FLRT3: variants seen among roughly 807,000 people sequenced by gnomAD.
The protein encoded by FLRT3 is leucine-rich repeat transmembrane protein FLRT3.
FLRT3 carries 17 observed loss-of-function variants against 42.6 expected under a neutral mutation model. The ratio of observed to expected loss-of-function variants is 0.40; its 90% CI spans 0.27 to 0.60. The LOEUF is 0.60. FLRT3 is among the 20% of genes least tolerant of loss of function. FLRT3 has a pLI of 0.44. For missense variants in FLRT3, 635 were observed against 789.2 expected, an observed-to-expected ratio of 0.80 and a Z score of 2.34; for synonymous variants, 279 against 286.4, an observed-to-expected ratio of 0.97 and a Z score of 0.26.
At position 14,327,264 on chromosome 20, in the gene FLRT3, G is replaced by A. The variant is rs2082751701; in HGVS notation, c.243C>T (p.Asn81=). 1 of 1,613,764 alleles carries A rather than the reference G, an allele frequency of 6.2e-7. No homozygotes were observed. Among genetic ancestry groups the A allele is most frequent in the South Asian group, 1.1e-5 (1 of 91,088 alleles). Residue 81 remains asparagine, a synonymous_variant, in exon 3 of 3, where the codon AAC becomes AAT. Coordinates refer to ENST00000341420, the MANE Select transcript of FLRT3 (RefSeq NM_198391.3). ...GGTATATTCTTTCTACTTTCAGCAA[G>A]TTTTTCAAATCTGAAGGAATCCCAG... The part of the protein sequence containing the change: ...NNAGIPSDLK[N]LLKVERIYLY...
At position 14,327,267 on chromosome 20, in the gene FLRT3, T is replaced by C; in HGVS notation, c.240A>G (p.Lys80=). ...ATATTCTTTCTACTTTCAGCAAGTTTTTCAAATCTGAAGGAATCCCAGCAT... is the reference window on the plus strand; with the variant it reads ...ATATTCTTTCTACTTTCAGCAAGTTCTTCAAATCTGAAGGAATCCCAGCAT... ...INNAGIPSDL[K]NLLKVERIYL... Residue 80 remains lysine (K), a synonymous_variant, in exon 3 of 3, where the codon AAA becomes AAG. Coordinates refer to ENST00000341420, the MANE Select transcript of FLRT3 (RefSeq NM_198391.3). 1 of 1,613,836 alleles carries C rather than the reference T, an allele frequency of 6.2e-7. No individual in the cohort carries two copies. Among genetic ancestry groups the C allele is most frequent in the Non-Finnish European group, 8.5e-7 (1 of 1,179,780 alleles).
intron 1 of FLRT3, among the ~76,000 whole-genome samples, chr20:14,330,369 G>C (rs1211666698): frequency 2.0e-5 from 3 of 151,978 alleles, no homozygotes; most frequent in Non-Finnish European, 4.4e-5. Flanking sequence ...GAACATTTGA[G>C]TATCCTGGAA....
At chr20:14,331,798 G>A (rs574361439) in intron 1 of FLRT3, among the ~76,000 whole-genome samples, 42 of 152,144 alleles carry the variant, frequency 2.8e-4, no homozygotes, top group African/African-American at 9.9e-4. Context: ...CCCTTTCTGA[G>A]CTGGATCTAC....
Position 14,325,996 on chromosome 20 carries a change from A to G in FLRT3, c.1511T>C (p.Leu504Pro). ...GGTGGTTGTAGGGTTGTACATTCGA[A>G]GGGGTGCAGTTTCAGTCTCAATACA... ...PVCIETETAP[L>P]RMYNPTTTLN... Residue 504 changes from leucine to proline, a missense_variant, in exon 3 of 3, where the codon CTT (leucine) becomes CCT (proline). By Grantham distance (98) the Leu-to-Pro change is moderately conservative. Coordinates refer to ENST00000341420, the MANE Select transcript of FLRT3 (RefSeq NM_198391.3). 6.2e-7 allele frequency: 1 copy of G among 1,613,896 alleles called. No individual in the cohort carries two copies. The highest frequency in any genetic ancestry group is 1.1e-5 in the South Asian group (1 of 91,088).
At chr20:14,329,966 G>A (rs1661784553) in intron 1 of FLRT3, among the ~76,000 whole-genome samples, 1 of 151,838 alleles carries the variant, frequency 6.6e-6, no homozygotes, top group Non-Finnish European at 1.5e-5. Flanking sequence ...TTGCCCAAAA[G>A]GTGACATAGA....
Position 14,325,525 on chromosome 20 carries a change from C to T in FLRT3, c.*32G>A. 6.4e-7 allele frequency: 1 copy of T among 1,566,966 alleles called. No homozygotes were observed. Among genetic ancestry groups the T allele is most frequent in the Non-Finnish European group, 8.6e-7 (1 of 1,158,124 alleles). ...TCACCTCCCTTAGGTTTAAAAAACCCAAAACACAAGTCTGCTGTGAGTCCT... is the reference window on the plus strand; with the variant it reads ...TCACCTCCCTTAGGTTTAAAAAACCTAAAACACAAGTCTGCTGTGAGTCCT... On this transcript the variant is annotated 3_prime_UTR_variant, in exon 3 of 3. Transcript: ENST00000341420.
chr20:14,326,500 G>C lies in FLRT3; in HGVS notation c.1007C>G (p.Ala336Gly). ...KVNVRGLMCQAPEKVRGMAIK... is the reference protein window; with the variant it reads ...KVNVRGLMCQGPEKVRGMAIK... The stretch of plus-strand genomic sequence containing the variant: ...AGCCATCCCACGAACCTTTTCTGGG[G>C]CTTGGCACATGAGCCCACGCACGTT... The change falls in exon 3 of 3, where the codon GCC becomes GGC. Residue 336 changes from alanine to glycine, a missense_variant. Coordinates refer to ENST00000341420, the MANE Select transcript of FLRT3 (RefSeq NM_198391.3). This position sits in a 1 kb window ranked among gnomAD's most constrained non-coding sequence, Gnocchi z 5.5. 6.2e-7 allele frequency: 1 copy of C among 1,613,852 alleles called. No individual in the cohort carries two copies.
At chr20:14,336,645 G>A (rs1233178107) in intron 1 of FLRT3, among the ~76,000 whole-genome samples, 1 of 152,142 alleles carries the variant, frequency 6.6e-6, no homozygotes, top group Non-Finnish European at 1.5e-5. Flanking sequence ...GCATACATCA[G>A]GCATAGCTTC....
At chr20:14,331,953 T>C (rs2082849833) in intron 1 of FLRT3, among the ~76,000 whole-genome samples, 1 of 152,130 alleles carries the variant, frequency 6.6e-6, no homozygotes, top group South Asian at 2.1e-4. Flanking sequence ...AGGCCATTAC[T>C]TCTGAACAAA....
rs758525902 is a variant in FLRT3 at position 14,326,062 on chromosome 20, A to T, written c.1445T>A (p.Met482Lys). ...DSPYKVCMVPMETSNLYLFDE... is the reference protein window; with the variant it reads ...DSPYKVCMVPKETSNLYLFDE... Reference sequence around the variant, plus strand: ...AAATAGGTAGAGGTTGCTGGTTTCCATGGGAACCATGCATACTTTATAGGG... The same window carrying T: ...AAATAGGTAGAGGTTGCTGGTTTCCTTGGGAACCATGCATACTTTATAGGG... The change falls in exon 3 of 3, where the codon ATG (methionine) becomes AAG (lysine). Residue 482 changes from methionine to lysine, a missense_variant. By Grantham distance (95) the Met-to-Lys change is moderately conservative (BLOSUM62 -1). Coordinates refer to ENST00000341420, the MANE Select transcript of FLRT3 (RefSeq NM_198391.3). This position sits in a 1 kb window ranked among gnomAD's most constrained non-coding sequence, Gnocchi z 5.5. 3.7e-6 allele frequency: 6 copies of T among 1,613,962 alleles called. No homozygotes were observed. In the Admixed American group the frequency reaches 1.0e-4, roughly 27 times the overall value.
Position 14,325,295 on chromosome 20 carries a change from A to G in FLRT3, c.*262T>C, listed in dbSNP as rs2082715686. The G allele has an allele frequency of 6.6e-6, 2 of 304,548 alleles. No individual in the cohort carries two copies. Among genetic ancestry groups the G allele is most frequent in the Admixed American group, 9.3e-5 (2 of 21,550 alleles). 18.9% of individuals were successfully genotyped at this position (304,548 alleles called of 1,614,324 possible). On this transcript the variant is annotated 3_prime_UTR_variant, in exon 3 of 3. Coordinates refer to ENST00000341420, the MANE Select transcript of FLRT3 (RefSeq NM_198391.3). ...ATGGTTTATAACTCCAATATTTGCA[A>G]GGAAAATACAGTACAAATTACTAAA...
rs972093770 is a variant in FLRT3, at chr20:14,324,384, T to G, written c.*1173A>C. On this transcript the variant is annotated 3_prime_UTR_variant, in exon 3 of 3. Transcript: ENST00000341420. The stretch of plus-strand genomic sequence containing the variant: ...AGGAAGCTAGAAGGAAATGTTACAT[T>G]ACGAGTTCATTATATAATATCTGGA... The G allele has an allele frequency of 1.3e-5, 2 of 152,680 alleles. No individual in the cohort carries two copies. Among genetic ancestry groups the G allele is most frequent in the East Asian group, 3.9e-4 (2 of 5,180 alleles). The allele number at this position is 152,680 out of a possible 1,614,324, so 9.5% of individuals were successfully genotyped here. A position where few individuals can be genotyped will look rare whatever the true frequency, so the allele number is the denominator to read the frequency against.
At chr20:14,334,097 A>G (rs1400648331) in intron 1 of FLRT3, among the ~76,000 whole-genome samples, 3 of 152,334 alleles carry the variant, frequency 2.0e-5, no homozygotes, top group African/African-American at 4.8e-5. Context: ...GATTATGCAT[A>G]TGCAAAACAA....
Position 14,326,023 on chromosome 20 carries a change from A to T in FLRT3, c.1484T>A (p.Val495Asp). Residue 495 changes from valine (V) to aspartate (D), a missense_variant, in exon 3 of 3, where the codon GTT becomes GAT. Transcript: ENST00000341420. The surrounding 1 kb of genome is among the most constrained non-coding windows in gnomAD (Gnocchi z 5.5). ...GGGTGCAGTTTCAGTCTCAATACAAACAGGAGTTTCATCAAATAGGTAGAG... is the reference window on the plus strand; with the variant it reads ...GGGTGCAGTTTCAGTCTCAATACAATCAGGAGTTTCATCAAATAGGTAGAG... ...SNLYLFDETP[V>D]CIETETAPLR... The T allele has an allele frequency of 6.2e-7, 1 of 1,613,874 alleles. No homozygotes were observed. The highest frequency in any genetic ancestry group is 8.5e-7 in the Non-Finnish European group (1 of 1,179,858).
rs76061726 is a variant in FLRT3 at position 14,326,359 on chromosome 20, G to C, written c.1148C>G (p.Ala383Gly). The change falls in exon 3 of 3, where the codon GCT (alanine) becomes GGT (glycine). Residue 383 changes from alanine (A) to glycine (G), a missense_variant. By Grantham distance (60) the Ala-to-Gly change is moderately conservative. Coordinates refer to ENST00000341420, the MANE Select transcript of FLRT3 (RefSeq NM_198391.3). This position sits in a 1 kb window ranked among gnomAD's most constrained non-coding sequence, Gnocchi z 5.5. ...AATATCTGGCTGTTTGGTCACTGGA[G>C]CTGGCCACTGTCCTTGGGCAGGATA... is the stretch of plus-strand genomic sequence containing the variant. ...TVYPAQGQWP[A>G]PVTKQPDIKN... 21 of 1,613,938 alleles carry C rather than the reference G, an allele frequency of 1.3e-5. No individual in the cohort carries two copies. The African/African-American group carries it at 2.8e-4, about 22-fold the overall frequency.
intron 1 of FLRT3, among the ~76,000 whole-genome samples, chr20:14,330,746 A>G (rs924007966): frequency 7.9e-5 from 12 of 152,248 alleles, no homozygotes; most frequent in Admixed American, 2.0e-4. Flanking sequence ...TTATTGTTTA[A>G]TGTGAGGTTT....
chr20:14,337,319 A>C (rs1568565903), intron 1 of FLRT3, 85 bp downstream of exon 1: 2 of 318,362 alleles, frequency 6.3e-6, no homozygotes, highest in Non-Finnish European at 1.1e-5. Flanking sequence ...TGGATTTCTC[A>C]TAGTATCAAG....
In FLRT3 at chr20:14,326,412, C is replaced by T; in HGVS notation, c.1095G>A (p.Gln365=). 2 of 1,613,874 alleles carry T rather than the reference C, an allele frequency of 1.2e-6. No individual in the cohort carries two copies. Among genetic ancestry groups the T allele is most frequent in the Non-Finnish European group, 1.7e-6 (2 of 1,179,884 alleles). The change falls in exon 3 of 3, where the codon CAG becomes CAA. Residue 365 remains glutamine (Q), a synonymous_variant. Coordinates refer to ENST00000341420, the MANE Select transcript of FLRT3 (RefSeq NM_198391.3). This position sits in a 1 kb window ranked among gnomAD's most constrained non-coding sequence, Gnocchi z 5.5. Reference sequence around the variant, plus strand: ...CTGTGTTGGGTATTGCAGTGGTTATCTGAATGGTGCTTACAATCCCACTGT... The same window carrying T: ...CTGTGTTGGGTATTGCAGTGGTTATTTGAATGGTGCTTACAATCCCACTGT... ...CKDSGIVSTI[Q]ITTAIPNTVY...
intron 1 of FLRT3, among the ~76,000 whole-genome samples, chr20:14,331,264 G>C (rs1476459853): frequency 2.0e-5 from 3 of 152,000 alleles, no homozygotes; most frequent in African/African-American, 7.2e-5. Flanking sequence ...ACCAAATAAG[G>C]CTCTAACAAT....
Sources: allele counts gnomAD v4.1 joint callset (sites outside exome capture counted in the v4.1 genomes callset), GRCh38; gene constraint gnomAD v4.1.1; non-coding constraint Gnocchi (gnomAD v3.1); transcripts MANE v1.5; gene names NCBI Gene and HGNC (gene_info 2026-07-23, HGNC 2026-07-21).